DNAJB12: variants seen among roughly 807,000 people sequenced by gnomAD.
DNAJB12 encodes the protein dnaJ homolog subfamily B member 12.
A neutral mutation model predicts 40.6 loss-of-function variants in DNAJB12; 14 were observed. The observed-to-expected ratio is 0.34, with a 90% CI of 0.23 to 0.54. The LOEUF is 0.54. DNAJB12 is among the 20% of genes least tolerant of loss of function. The probability of loss-of-function intolerance (pLI) is 0.92; values close to 1 mark genes in which losing one functional copy is unlikely to be tolerated. For synonymous variants in DNAJB12, 181 were observed against 199.5 expected, an observed-to-expected ratio of 0.91 and a Z score of 0.78; for missense variants, 444 against 501.7, an observed-to-expected ratio of 0.89 and a Z score of 1.10.
chr10:72,350,573 C>T (rs553921236), intron 1 of DNAJB12, among the ~76,000 whole-genome samples: 57 of 152,258 alleles, frequency 3.7e-4, no homozygotes, highest in African/African-American at 1.4e-3. Context: ...AAACTCAGCC[C>T]AATGCCCAGC....
intron 5 of DNAJB12, 135 bp downstream of exon 5, chr10:72,340,654 T>A: frequency 1.2e-6 from 1 of 866,794 alleles, no homozygotes. Context: ...CCCAGAGGGC[T>A]CCTTGGCTGA....
chr10:72,350,589 T>G (rs1322952196), intron 1 of DNAJB12, among the ~76,000 whole-genome samples: 2 of 152,082 alleles, frequency 1.3e-5, no homozygotes, highest in Admixed American at 1.3e-4. Flanking sequence ...CCAGCAAATA[T>G]ACAGTGTTGT....
Position 72,341,124 on chromosome 10 carries a change from C to T in DNAJB12, c.504G>A (p.Lys168=). The T allele has an allele frequency of 6.2e-7, 1 of 1,614,022 alleles. No homozygotes were observed. Among genetic ancestry groups the T allele is most frequent in the African/African-American group, 1.3e-5 (1 of 75,066 alleles). Residue 168 remains lysine, a synonymous_variant, in exon 4 of 9, where the codon AAG becomes AAA. Transcript: ENST00000444643. The stretch of plus-strand genomic sequence containing the variant: ...TGTCATCGCCGAACTGGTCATACTG[C>T]TTCCTCTTCTCCGGGTTGCTGAGTA... The part of the protein sequence containing the change: ...YAVLSNPEKR[K]QYDQFGDDKS...
intron 5 of DNAJB12, among the ~76,000 whole-genome samples, chr10:72,340,397 A>C (rs1247120270): frequency 4.6e-5 from 7 of 152,150 alleles, no homozygotes; most frequent in Admixed American, 4.6e-4. Flanking sequence ...GCTGAGACCC[A>C]TGAAAAAAAT....
chr10:72,336,612 T>C lies in DNAJB12; in HGVS notation c.918A>G (p.Thr306=), dbSNP rs758473606. The C allele has an allele frequency of 5.0e-6, 8 of 1,614,172 alleles. No homozygotes were observed. The highest frequency in any genetic ancestry group is 1.3e-5 in the African/African-American group (1 of 75,046). ...GCTCGACTGTTTTGAGGCTGGAGCC[T>C]GTGTACTCTTCGGAGAAAGTGTCTC... The part of the protein sequence containing the change: ...YVGDTFSEEY[T]GSSLKTVERN... Residue 306 remains threonine, a synonymous_variant, in exon 7 of 9, where the codon ACA becomes ACG. Transcript: ENST00000444643.
intron 7 of DNAJB12, 131 bp from the exon 8 acceptor site, chr10:72,336,062 T>G: frequency 8.8e-7 from 1 of 1,136,854 alleles, no homozygotes; most frequent in Non-Finnish European, 1.3e-6. Flanking sequence ...GGCCTCCCAT[T>G]AGGAAGACCA....
chr10:72,334,795 G>T (rs1861422084), intron 8 of DNAJB12, 178 bp from the exon 9 acceptor site: 5 of 1,383,286 alleles, frequency 3.6e-6, no homozygotes, highest in Non-Finnish European at 3.7e-6. Flanking sequence ...GGCACAAATG[G>T]CCTCCAGGCA....
chr10:72,338,731 G>A (rs574062954), intron 5 of DNAJB12, among the ~76,000 whole-genome samples: 1 of 152,256 alleles, frequency 6.6e-6, no homozygotes, highest in Non-Finnish European at 1.5e-5. Flanking sequence ...CACTTTGGGA[G>A]ACCAACATGA....
Position 72,335,634 on chromosome 10 carries a change from G to A in DNAJB12, c.*30+146C>T, listed in dbSNP as rs996590370. On this transcript the variant is annotated intron_variant, in intron 8 of 8. Transcript: ENST00000444643. The surrounding 1 kb of genome is among the most constrained non-coding windows in gnomAD (Gnocchi z 4.4). ...TTCCCAGCAGGCCCCACAGCTGCTC[G>A]GTCTCTGGAGGCTGGAGGTCAGGCT... is the stretch of plus-strand genomic sequence containing the variant. 1.1e-5 allele frequency: 16 copies of A among 1,418,068 alleles called. No homozygotes were observed. Among genetic ancestry groups the A allele is most frequent in the South Asian group, 3.0e-5 (2 of 66,466 alleles). 87.8% of individuals were successfully genotyped at this position (1,418,068 alleles called of 1,614,324 possible). A position where few individuals can be genotyped will look rare whatever the true frequency, so the allele number is the denominator to read the frequency against.
At chr10:72,340,750 T>C (rs1861610964) in intron 5 of DNAJB12, 39 bp downstream of exon 5, 5 of 1,602,280 alleles carry the variant, frequency 3.1e-6, no homozygotes, top group Non-Finnish European at 4.3e-6. Context: ...GTGGATTTGG[T>C]GCCCTTCCCG....
At position 72,343,526 on chromosome 10, in the gene DNAJB12, G is replaced by A; in HGVS notation, c.312-15C>T. 1 of 1,613,974 alleles carries A rather than the reference G, an allele frequency of 6.2e-7. No individual in the cohort carries two copies. The highest frequency in any genetic ancestry group is 8.5e-7 in the Non-Finnish European group (1 of 1,179,928). On this transcript the variant is annotated splice_polypyrimidine_tract_variant and intron_variant, in intron 2 of 8. Transcript: ENST00000444643. ...ATTGCTTGACCCTGGGGAAGGAGGA[G>A]ACCATGGTACGGGGTGCTCTACATG...
chr10:72,348,516 C>T (rs373430962), intron 1 of DNAJB12, among the ~76,000 whole-genome samples: 62 of 152,374 alleles, frequency 4.1e-4, no homozygotes, highest in African/African-American at 1.3e-3. Context: ...GGCCTGAAGA[C>T]GCCATGCTGG....
intron 5 of DNAJB12, among the ~76,000 whole-genome samples, chr10:72,338,577 C>T (rs999143942): frequency 1.1e-4 from 16 of 150,180 alleles, no homozygotes; most frequent in Admixed American, 2.0e-4. Flanking sequence ...AAAAAATCAG[C>T]AAAAGTTGCT....
At chr10:72,343,550 TG>T (rs1416694204) in intron 2 of DNAJB12, 39 bp from the exon 3 acceptor site, 1 of 1,609,874 alleles carries the variant, frequency 6.2e-7, no homozygotes, top group South Asian at 1.1e-5. Flanking sequence ...GTGCTCTACA[TG>T]GGTCTGTGTG....
intron 8 of DNAJB12, 25 bp from the exon 9 acceptor site, chr10:72,334,642 A>G (rs2131974781): frequency 3.9e-6 from 6 of 1,524,842 alleles, no homozygotes; most frequent in Non-Finnish European, 4.4e-6. Context: ...GGCAACAGTT[A>G]GCTCGGCATT....
chr10:72,353,650 C>T (rs144926834), intron 1 of DNAJB12: 5 of 152,420 alleles, frequency 3.3e-5, no homozygotes, highest in South Asian at 2.1e-4. Flanking sequence ...AGATAATGAT[C>T]TTTGCTCTGC....
intron 1 of DNAJB12, among the ~76,000 whole-genome samples, chr10:72,346,699 G>A (rs1170622212): frequency 6.6e-6 from 1 of 151,790 alleles, no homozygotes; most frequent in Non-Finnish European, 1.5e-5. Flanking sequence ...GACCTCAAGT[G>A]ATCTGCCCAC....
chr10:72,335,176 C>A lies in DNAJB12; in HGVS notation c.*31-559G>T. The A allele has an allele frequency of 1.0e-6, 1 of 987,714 alleles. No homozygotes were observed. The highest frequency in any genetic ancestry group is 1.2e-6 in the Non-Finnish European group (1 of 831,040). The allele number at this position is 987,714 out of a possible 1,614,324, so 61.2% of individuals were successfully genotyped here. ...TTCGAGAGAGTGCCTCAGATCCCAC[C>A]AGAGGGGGGTGGTCAGGGCCCGCGG... On this transcript the variant is annotated intron_variant, in intron 8 of 8. Transcript: ENST00000444643. This position sits in a 1 kb window ranked among gnomAD's most constrained non-coding sequence, Gnocchi z 4.4.
chr10:72,335,962 A>G lies in DNAJB12; in HGVS notation c.1007-31T>C, dbSNP rs754777818. 2.5e-6 allele frequency: 4 copies of G among 1,612,214 alleles called. No homozygotes were observed. Among genetic ancestry groups the G allele is most frequent in the Non-Finnish European group, 3.4e-6 (4 of 1,178,676 alleles). ...AAGCAATGGGACAGGGTTAGTGCAC[A>G]CCCAGTACCTCCCGAAGCCTGCAAG... is the stretch of plus-strand genomic sequence containing the variant. On this transcript the variant is annotated intron_variant, in intron 7 of 8. Coordinates refer to ENST00000444643, the MANE Select transcript of DNAJB12 (RefSeq NM_017626.7). This position sits in a 1 kb window ranked among gnomAD's most constrained non-coding sequence, Gnocchi z 4.4.
Sources: allele counts gnomAD v4.1 joint callset (sites outside exome capture counted in the v4.1 genomes callset), GRCh38; gene constraint gnomAD v4.1.1; non-coding constraint Gnocchi (gnomAD v3.1); transcripts MANE v1.5; gene names NCBI Gene and HGNC (gene_info 2026-07-23, HGNC 2026-07-21).